The following MICU2 variants were observed in gnomAD, a reference collection of about 807,000 sequenced individuals.
MICU2 encodes calcium uptake protein 2, mitochondrial.
Under a neutral mutation model 60.4 loss-of-function variants are expected in MICU2, and 64 were observed. The ratio of observed to expected loss-of-function variants is 1.06; its 90% CI spans 0.87 to 1.31. The LOEUF is 1.31. MICU2 is among the 50% of genes most tolerant of loss of function. The pLI, the probability that MICU2 is intolerant of heterozygous loss-of-function variation, is 0.00. For synonymous variants in MICU2, 201 were observed against 175.0 expected (o/e 1.15, Z -1.17); for missense variants, 569 against 531.0 (o/e 1.07, Z -0.70).
intron 4 of MICU2, among the ~76,000 whole-genome samples, chr13:21,527,046 C>T (rs1407187919): frequency 6.6e-6 from 1 of 152,132 alleles, no homozygotes; most frequent in Non-Finnish European, 1.5e-5. Flanking sequence ...TCAATGGCTT[C>T]CTTTTTTTGA....
At chr13:21,507,781 T>G (rs1319156449) in intron 8 of MICU2, among the ~76,000 whole-genome samples, 1 of 151,616 alleles carries the variant, frequency 6.6e-6, no homozygotes, top group Non-Finnish European at 1.5e-5. Context: ...TTTTTGTATT[T>G]TTAGTAGAGA....
Position 21,515,377 on chromosome 13 carries a change from C to T in MICU2, c.598-959G>A, listed in dbSNP as rs560545708. On this transcript the variant is annotated intron_variant, in intron 6 of 11. Coordinates refer to ENST00000382374, the MANE Select transcript of MICU2 (RefSeq NM_152726.3). The stretch of plus-strand genomic sequence containing the variant: ...GATTATAGGCTTGAGCCACTGTGCC[C>T]GGCCTATAGTTTTAAAAAAGCTATT... Among the ~76,000 whole-genome samples, 50 of 152,260 alleles carry T rather than the reference C, an allele frequency of 3.3e-4. No individual in the cohort carries two copies. The South Asian group carries it at 8.7e-3, about 26-fold the overall frequency.
chr13:21,519,835 T>A (rs187197588), intron 6 of MICU2, among the ~76,000 whole-genome samples: 2 of 152,204 alleles, frequency 1.3e-5, no homozygotes, highest in Non-Finnish European at 2.9e-5. Context: ...TAGAACAAGA[T>A]GGATTTGGAA....
intron 4 of MICU2, among the ~76,000 whole-genome samples, chr13:21,535,036 T>G (rs181562189): frequency 8.3e-4 from 127 of 152,320 alleles, no homozygotes; most frequent in Middle Eastern, 3.4e-3. Flanking sequence ...GTACTTCTTT[T>G]CAGAAGCACG....
rs1383079393 is a variant in MICU2 at position 21,510,101 on chromosome 13, C to G, written c.664G>C (p.Glu222Gln). ...TVKTNETGYQEAIVKEPEINT... is the reference protein window; with the variant it reads ...TVKTNETGYQQAIVKEPEINT... ...ATTTCAGGTTCTTTCACTATTGCTT[C>G]CTATTAAAAAAATCACAATAATTTA... The change falls in exon 8 of 12, where the codon GAA becomes CAA. Residue 222 changes from glutamate to glutamine, a missense_variant and splice_region_variant. Coordinates refer to ENST00000382374, the MANE Select transcript of MICU2 (RefSeq NM_152726.3). The G allele has an allele frequency of 7.0e-7, 1 of 1,419,176 alleles. No individual in the cohort carries two copies. The highest frequency in any genetic ancestry group is 9.3e-7 in the Non-Finnish European group (1 of 1,076,944). The allele number at this position is 1,419,176 out of a possible 1,614,324, so 87.9% of individuals were successfully genotyped here. A position where few individuals can be genotyped will look rare whatever the true frequency, so the allele number is the denominator to read the frequency against.
intron 11 of MICU2, among the ~76,000 whole-genome samples, chr13:21,494,084 A>G (rs1566135961): frequency 6.6e-6 from 1 of 152,184 alleles, no homozygotes; most frequent in Non-Finnish European, 1.5e-5. Flanking sequence ...GGTACACTCA[A>G]TTGTGAACTG....
intron 4 of MICU2, among the ~76,000 whole-genome samples, chr13:21,531,866 G>A (rs768912947): frequency 4.1e-4 from 62 of 152,152 alleles, no homozygotes; most frequent in Non-Finnish European, 6.2e-4. Flanking sequence ...AGAAGTTACC[G>A]ATATTCTTTC....
chr13:21,524,317 C>A (rs959943990), intron 4 of MICU2, among the ~76,000 whole-genome samples: 1 of 151,966 alleles, frequency 6.6e-6, no homozygotes, highest in East Asian at 1.9e-4. Context: ...GCAGGTCTTG[C>A]TTTATCTATA....
intron 1 of MICU2, 37 bp from the exon 2 acceptor site, chr13:21,566,981 A>C (rs1407124734): frequency 1.3e-6 from 2 of 1,555,190 alleles, no homozygotes; most frequent in Non-Finnish European, 1.7e-6. Flanking sequence ...AGATTTTTTC[A>C]GTGTTATTCC....
intron 8 of MICU2, among the ~76,000 whole-genome samples, chr13:21,508,484 T>C (rs1886349127): frequency 1.3e-5 from 2 of 152,158 alleles, no homozygotes; most frequent in South Asian, 4.2e-4. Flanking sequence ...AAACCTATCC[T>C]TTACTCTGCT....
At position 21,517,793 on chromosome 13, in the gene MICU2, A is replaced by ACG. The variant is rs1467904920; in HGVS notation, c.598-3376_598-3375insCG. ...AGGACACACACACACACACACACAC[A>ACG]CACACACGCGCGCGCGCGCGCACAC... On this transcript the variant is annotated intron_variant, in intron 6 of 11. Transcript: ENST00000382374. Among the ~76,000 whole-genome samples the ACG allele has an allele frequency of 5.3e-3, 517 of 97,216 alleles. 6 individuals carry two copies. Among genetic ancestry groups the ACG allele is most frequent in the African/African-American group, 0.014 (375 of 27,588 alleles). The allele number at this position is 97,216 out of a possible 152,430, so 63.8% of individuals were successfully genotyped here.
At chr13:21,512,443 T>TG in intron 7 of MICU2, among the ~76,000 whole-genome samples, 1 of 144,308 alleles carries the variant, frequency 6.9e-6, no homozygotes. Flanking sequence ...CACAAATTTT[T>TG]AATTTTTTTT....
In MICU2 at chr13:21,562,298, C is replaced by T. The variant is rs554924573; in HGVS notation, c.358+4499G>A. On this transcript the variant is annotated intron_variant, in intron 2 of 11. Coordinates refer to ENST00000382374, the MANE Select transcript of MICU2 (RefSeq NM_152726.3). The stretch of plus-strand genomic sequence containing the variant: ...TGAGGAGTCGCCACACTGACTTCCA[C>T]AATGGTTGAACTAGTTTACAGTCCC... 5.3e-5 allele frequency among the ~76,000 whole-genome samples: 8 copies of T among 152,240 alleles called. No individual in the cohort carries two copies. The East Asian group carries it at 1.4e-3, about 26-fold the overall frequency.
intron 4 of MICU2, among the ~76,000 whole-genome samples, chr13:21,533,411 C>G (rs1197542368): frequency 6.6e-6 from 1 of 150,764 alleles, no homozygotes; most frequent in Non-Finnish European, 1.5e-5. Flanking sequence ...GCAAGCTCTG[C>G]CCCCCGGGTT....
intron 4 of MICU2, among the ~76,000 whole-genome samples, chr13:21,530,086 A>T (rs1886950925): frequency 6.6e-6 from 1 of 152,222 alleles, no homozygotes; most frequent in Non-Finnish European, 1.5e-5. Context: ...GTTCTGCCTC[A>T]TCTTTTACCT....
At chr13:21,521,455 T>C in intron 5 of MICU2, 128 bp from the exon 6 acceptor site, 3 of 642,310 alleles carry the variant, frequency 4.7e-6, no homozygotes, top group Non-Finnish European at 7.8e-6. Context: ...AGAAAAATAA[T>C]GATTTCTTAT....
At chr13:21,500,392 C>T (rs994214516) in intron 9 of MICU2, among the ~76,000 whole-genome samples, 27 of 150,104 alleles carry the variant, frequency 1.8e-4, no homozygotes, top group Admixed American at 3.3e-4. Context: ...AATCTCAGAC[C>T]GTTTAAAGTT....
chr13:21,531,105 A>T, intron 4 of MICU2: 1 of 956,298 alleles, frequency 1.0e-6, no homozygotes, highest in Non-Finnish European at 1.7e-6. Flanking sequence ...ACCAAGGCAT[A>T]GTTCCCCCTA....
intron 1 of MICU2, among the ~76,000 whole-genome samples, chr13:21,588,728 C>T (rs2138066449): frequency 1.3e-5 from 2 of 152,280 alleles, no homozygotes; most frequent in South Asian, 4.1e-4. Flanking sequence ...TTGGCTATCC[C>T]TTTCACCCTA....
Sources: allele counts gnomAD v4.1 joint callset (sites outside exome capture counted in the v4.1 genomes callset), GRCh38; gene constraint gnomAD v4.1.1; transcripts MANE v1.5; gene names NCBI Gene and HGNC (gene_info 2026-07-23, HGNC 2026-07-21).